MYLIP: variants seen among roughly 807,000 people sequenced by gnomAD.
MYLIP encodes the protein myosin regulatory light chain interacting protein.
In MYLIP, 26 loss-of-function variants were observed where a neutral mutation model predicts 45.8. The observed-to-expected ratio is 0.57, with a 90% CI of 0.42 to 0.79. The LOEUF is 0.79. MYLIP is among the 30% of genes least tolerant of loss of function. The pLI is 0.00. For synonymous variants in MYLIP, 213 were observed against 218.1 expected (o/e 0.98, Z 0.21); for missense variants, 494 against 555.6 (o/e 0.89, Z 1.11).
chr6:16,130,723 A>C lies in MYLIP; in HGVS notation c.254A>C (p.His85Pro). 1.2e-6 allele frequency: 2 copies of C among 1,614,090 alleles called. No homozygotes were observed. Among genetic ancestry groups the C allele is most frequent in the Non-Finnish European group, 1.7e-6 (2 of 1,180,008 alleles). ...AGAGTCAAGTTCTTCGTGGAGCCTC[A>C]TCTCATCTTACAGGAGCAGACTAGG... ...KLRVKFFVEP[H>P]LILQEQTRHI... The change falls in exon 2 of 7, where the codon CAT becomes CCT. Residue 85 changes from histidine to proline, a missense_variant. Transcript: ENST00000356840.
chr6:16,146,821 A>T lies in MYLIP; in HGVS notation c.*70A>T. On this transcript the variant is annotated 3_prime_UTR_variant, in exon 7 of 7. Transcript: ENST00000356840. Reference sequence around the variant, plus strand: ...CTATTATAAACTATTAAAATGATAGATTGTGGAGAAAGTAATTATTCCAAC... The same window carrying T: ...CTATTATAAACTATTAAAATGATAGTTTGTGGAGAAAGTAATTATTCCAAC... The T allele has an allele frequency of 7.9e-7, 1 of 1,266,600 alleles. No homozygotes were observed. Among genetic ancestry groups the T allele is most frequent in the Non-Finnish European group, 1.1e-6 (1 of 900,230 alleles). 78.5% of individuals were successfully genotyped at this position (1,266,600 alleles called of 1,614,324 possible).
At chr6:16,131,393 G>T (rs553941106) in intron 2 of MYLIP, among the ~76,000 whole-genome samples, 7 of 152,304 alleles carry the variant, frequency 4.6e-5, no homozygotes, top group African/African-American at 1.4e-4. Flanking sequence ...TCTCTACGTT[G>T]TAAAACACCA....
chr6:16,155,506 A>G, the MYLIP span, among the ~76,000 whole-genome samples: 8 of 152,358 alleles, frequency 5.3e-5, 1 homozygote, highest in South Asian at 1.4e-3. Flanking sequence ...TGAACCAAGT[A>G]TCTTCTCTGG....
intron 2 of MYLIP, among the ~76,000 whole-genome samples, chr6:16,136,844 T>A (rs577709572): frequency 6.6e-6 from 1 of 152,252 alleles, no homozygotes; most frequent in Non-Finnish European, 1.5e-5. Flanking sequence ...CTTTCATGTA[T>A]CTTTTTCAAA....
intron 2 of MYLIP, among the ~76,000 whole-genome samples, chr6:16,134,114 TATA>T (rs1381264339): frequency 6.6e-6 from 1 of 152,218 alleles, no homozygotes; most frequent in Non-Finnish European, 1.5e-5. Context: ...TTAATGAGCT[TATA>T]ATACTACATA....
intron 6 of MYLIP, 110 bp from the exon 7 acceptor site, chr6:16,146,552 A>T: frequency 1.3e-6 from 1 of 796,670 alleles, no homozygotes; most frequent in Non-Finnish European, 2.1e-6. Context: ...CACTGTGATC[A>T]CAATTGATTT....
chr6:16,163,607 C>T, the MYLIP span: 4 of 151,962 alleles, frequency 2.6e-5, no homozygotes, highest in Admixed American at 2.0e-4. Flanking sequence ...TGTGTAGTCT[C>T]CCTCACTGAG....
chr6:16,132,930 AGGGTGC>A (rs1759486491), intron 2 of MYLIP, among the ~76,000 whole-genome samples: 1 of 152,230 alleles, frequency 6.6e-6, no homozygotes, highest in Non-Finnish European at 1.5e-5. Flanking sequence ...CTAAATCATG[AGGGTGC>A]ATGTAGTGTA....
At chr6:16,135,870 C>G (rs1346934856) in intron 2 of MYLIP, among the ~76,000 whole-genome samples, 1 of 147,510 alleles carries the variant, frequency 6.8e-6, no homozygotes, top group African/African-American at 2.5e-5. Context: ...AGTATGTATA[C>G]TAAGTATATA....
rs1305853538 is a variant in MYLIP at position 16,146,957 on chromosome 6, C to T, written c.*206C>T. ...AGAATCAACAACTCCAGTCATGGGACCAGGAGGAGCTCTGGGACGCAGACA... is the reference window on the plus strand; with the variant it reads ...AGAATCAACAACTCCAGTCATGGGATCAGGAGGAGCTCTGGGACGCAGACA... On this transcript the variant is annotated 3_prime_UTR_variant, in exon 7 of 7. Transcript: ENST00000356840. The T allele has an allele frequency of 6.6e-6, 3 of 456,958 alleles. No homozygotes were observed. Among genetic ancestry groups the T allele is most frequent in the African/African-American group, 5.9e-5 (3 of 51,252 alleles). 28.3% of individuals were successfully genotyped at this position (456,958 alleles called of 1,614,324 possible).
the MYLIP span, among the ~76,000 whole-genome samples, chr6:16,161,757 T>C: frequency 7.9e-5 from 12 of 152,230 alleles, no homozygotes; most frequent in Non-Finnish European, 1.5e-4. Context: ...TTGACAATAT[T>C]TCCTTATATT....
At chr6:16,131,039 A>AAAAGAAAG (rs1489740802) in intron 2 of MYLIP, among the ~76,000 whole-genome samples, 10 of 151,510 alleles carry the variant, frequency 6.6e-5, no homozygotes, top group African/African-American at 2.4e-4. Context: ...GAAAAAAAAA[A>AAAAGAAAG]AAAAAAAAAG....
intron 2 of MYLIP, among the ~76,000 whole-genome samples, chr6:16,140,384 T>G (rs1219469455): frequency 6.6e-6 from 1 of 152,194 alleles, no homozygotes; most frequent in African/African-American, 2.4e-5. Context: ...GAATATAGTA[T>G]TGTATACAAC....
intron 2 of MYLIP, among the ~76,000 whole-genome samples, chr6:16,140,690 G>A (rs777229094): frequency 2.0e-5 from 3 of 152,118 alleles, no homozygotes; most frequent in South Asian, 2.1e-4. Context: ...GAGAGGAATC[G>A]TTCCCTATCC....
In MYLIP at chr6:16,129,737, G is replaced by T. The variant is rs1057091892; in HGVS notation, c.87+328G>T. On this transcript the variant is annotated intron_variant, in intron 1 of 6. Transcript: ENST00000356840. This position sits in a 1 kb window ranked among gnomAD's most constrained non-coding sequence, Gnocchi z 5.1. ...AGGCGGCTCCGCACACCTGCCGCAG[G>T]TATGTGCGTGATGCCGCCTGTCGGG... Among the ~76,000 whole-genome samples the T allele has an allele frequency of 6.6e-6, 1 of 152,218 alleles. No individual in the cohort carries two copies. The highest frequency in any genetic ancestry group is 1.5e-5 in the Non-Finnish European group (1 of 68,028).
chr6:16,158,868 T>TCAAAACAAAA, the MYLIP span, among the ~76,000 whole-genome samples: 27 of 152,136 alleles, frequency 1.8e-4, 1 homozygote, highest in Admixed American at 1.7e-3. Flanking sequence ...AGACTCCGTC[T>TCAAAACAAAA]CAAAACAAAA....
the MYLIP span, among the ~76,000 whole-genome samples, chr6:16,157,983 G>A: frequency 2.9e-4 from 44 of 152,288 alleles, no homozygotes; most frequent in African/African-American, 9.9e-4. Flanking sequence ...GTTTTATTGG[G>A]CCAAAAGTCA....
At chr6:16,142,877 A>G in intron 3 of MYLIP, 143 bp from the exon 4 acceptor site, 1 of 844,028 alleles carries the variant, frequency 1.2e-6, no homozygotes, top group South Asian at 1.8e-5. Flanking sequence ...AGTTCGCTAA[A>G]TACATGAAAC....
intron 2 of MYLIP, among the ~76,000 whole-genome samples, chr6:16,140,491 C>T (rs913833481): frequency 6.6e-6 from 1 of 152,080 alleles, no homozygotes; most frequent in South Asian, 2.1e-4. Flanking sequence ...CTCTGATGTT[C>T]GAGGCACTTA....
Sources: allele counts gnomAD v4.1 joint callset (sites outside exome capture counted in the v4.1 genomes callset), GRCh38; gene constraint gnomAD v4.1.1; non-coding constraint Gnocchi (gnomAD v3.1); transcripts MANE v1.5; gene names NCBI Gene and HGNC (gene_info 2026-07-23, HGNC 2026-07-21).